PAF1: variants seen among roughly 807,000 people sequenced by gnomAD.
PAF1 encodes RNA polymerase II-associated factor 1 homolog.
In PAF1, 31 loss-of-function variants were observed where a neutral mutation model predicts 68.4. The observed-to-expected ratio is 0.45, with a 90% confidence interval of 0.34 to 0.61. PAF1 has a LOEUF of 0.61. Ranked by LOEUF, PAF1 falls within the 20% of genes least tolerant of loss-of-function variation. The pLI is 0.01. For synonymous variants in PAF1, 256 were observed against 240.5 expected, an observed-to-expected ratio of 1.06 and a Z score of -0.60; for missense variants, 435 against 692.9, an observed-to-expected ratio of 0.63 and a Z score of 4.18.
rs771449728 is a variant in PAF1, at chr19:39,386,134, C to A, written c.1453G>T (p.Gly485Cys). ...QGGSDNDSDS[G>C]SNGGGQRSRS... The stretch of plus-strand genomic sequence containing the variant: ...CTCCGCTGGCCACCCCCATTGCTGC[C>A]GCTGTCTGAATCATTGTCACTGCCA... Residue 485 changes from glycine to cysteine, a missense_variant, in exon 14 of 14, where the codon GGC becomes TGC. Coordinates refer to ENST00000221265, the MANE Select transcript of PAF1 (RefSeq NM_019088.4). The surrounding 1 kb of genome is among the most constrained non-coding windows in gnomAD (Gnocchi z 6.1). The A allele has an allele frequency of 6.2e-7, 1 of 1,614,146 alleles. No individual in the cohort carries two copies. The highest frequency in any genetic ancestry group is 1.1e-5 in the South Asian group (1 of 91,082).
At position 39,386,395 on chromosome 19, in the gene PAF1, GCTC is replaced by G; in HGVS notation, c.1189_1191del (p.Glu397del). The G allele has an allele frequency of 6.2e-7, 1 of 1,613,990 alleles. No homozygotes were observed. The highest frequency in any genetic ancestry group is 8.5e-7 in the Non-Finnish European group (1 of 1,179,948). On this transcript the variant is annotated inframe_deletion, in exon 14 of 14. Transcript: ENST00000221265. This position sits in a 1 kb window ranked among gnomAD's most constrained non-coding sequence, Gnocchi z 6.1. ...TTCTCACTGCTGCTGCCCTTCTCCT[GCTC>G]CTCATCTGGAAGGGAGTGGAGAGAG...
intron 1 of PAF1, 121 bp from the exon 2 acceptor site, chr19:39,390,410 T>C: frequency 1.1e-6 from 1 of 913,166 alleles, no homozygotes; most frequent in Non-Finnish European, 1.8e-6. Flanking sequence ...CTTTGGGTGG[T>C]GGTGTGGGGA....
In PAF1 at chr19:39,388,431, G is replaced by A. The variant is rs117135495; in HGVS notation, c.894C>T (p.Asn298=). 5,606 of 1,614,060 alleles carry A rather than the reference G, an allele frequency of 3.5e-3. 50 individuals are homozygous for A. The highest frequency in any genetic ancestry group is 0.018 in the East Asian group (826 of 44,878). ...AGCCCTTGCTAGCTTTGTTCTTCACGTTCCAGTTGTACTCCCGAGCAATTT... is the reference window on the plus strand; with the variant it reads ...AGCCCTTGCTAGCTTTGTTCTTCACATTCCAGTTGTACTCCCGAGCAATTT... ...DYKIAREYNW[N]VKNKASKGYE... The change falls in exon 11 of 14, where the codon AAC becomes AAT. Residue 298 remains asparagine (N), a synonymous_variant. Coordinates refer to ENST00000221265, the MANE Select transcript of PAF1 (RefSeq NM_019088.4).
intron 11 of PAF1, chr19:39,387,134 G>A (rs750819913): frequency 7.3e-5 from 32 of 437,762 alleles, no homozygotes; most frequent in Admixed American, 5.5e-4. Context: ...TTACACAAAC[G>A]TACATAGTAT....
rs188491796 is a variant in PAF1 at position 39,389,538 on chromosome 19, C to T, written c.301G>A (p.Asp101Asn). ...TCCAAAAGTTTCTCATCAGCTGGAT[C>T]TAGAAGAACTAGAGGAGAGCGGGGG... ...TYRIDPNVLL[D>N]PADEKLLEEE... is the part of the protein sequence containing the mutation. Residue 101 changes from aspartate to asparagine, a missense_variant, in exon 5 of 14, where the codon GAT (aspartate) becomes AAT (asparagine). By Grantham distance (23) the Asp-to-Asn change is conservative. This residue lies in a region of PAF1 where 77 missense variants were observed against 118.2 expected (regional missense o/e 0.65). Transcript: ENST00000221265. This position sits in a 1 kb window ranked among gnomAD's most constrained non-coding sequence, Gnocchi z 5.3. The T allele has an allele frequency of 2.5e-6, 4 of 1,614,196 alleles. No homozygotes were observed. The South Asian group carries it at 4.4e-5, about 18-fold the overall frequency.
chr19:39,385,866 C>G lies in PAF1; in HGVS notation c.*125G>C. The stretch of plus-strand genomic sequence containing the variant: ...GGGAGGGGAAGTAAAGAGAAGTTGA[C>G]TTTATTAACAGCAAAGGTTTGGGGG... On this transcript the variant is annotated 3_prime_UTR_variant, in exon 14 of 14. Transcript: ENST00000221265. 15 of 1,416,480 alleles carry G rather than the reference C, an allele frequency of 1.1e-5. No homozygotes were observed. Among genetic ancestry groups the G allele is most frequent in the Non-Finnish European group, 1.4e-5 (15 of 1,059,412 alleles). 87.7% of individuals were successfully genotyped at this position (1,416,480 alleles called of 1,614,324 possible). A position where few individuals can be genotyped will look rare whatever the true frequency, so the allele number is the denominator to read the frequency against.
chr19:39,388,240 A>C (rs2078296173), intron 11 of PAF1, 99 bp downstream of exon 11: 2 of 1,213,854 alleles, frequency 1.6e-6, no homozygotes, highest in African/African-American at 3.0e-5. Flanking sequence ...TGCATATGAC[A>C]AATTCTTAGG....
At position 39,386,655 on chromosome 19, in the gene PAF1, T is replaced by A; in HGVS notation, c.1092+39A>T. On this transcript the variant is annotated intron_variant, in intron 12 of 13. Transcript: ENST00000221265. The surrounding 1 kb of genome is among the most constrained non-coding windows in gnomAD (Gnocchi z 6.1). ...CCCTCCTCACCTACAACCACCACCC[T>A]CCCTGCCATGGGTGCCCTGAGCCAG... 1 of 1,591,712 alleles carries A rather than the reference T, an allele frequency of 6.3e-7. No individual in the cohort carries two copies. Among genetic ancestry groups the A allele is most frequent in the Non-Finnish European group, 8.6e-7 (1 of 1,159,502 alleles).
chr19:39,391,098 C>G lies in PAF1; in HGVS notation c.-234G>C. 1 of 634,570 alleles carries G rather than the reference C, an allele frequency of 1.6e-6. No individual in the cohort carries two copies. Among genetic ancestry groups the G allele is most frequent in the Non-Finnish European group, 2.7e-6 (1 of 369,864 alleles). The allele number at this position is 634,570 out of a possible 1,614,324, so 39.3% of individuals were successfully genotyped here. A position where few individuals can be genotyped will look rare whatever the true frequency, so the allele number is the denominator to read the frequency against. ...AAGCTCCGGTTCCACCAACTGCCGCCAAGACGCTGAGGACCCAACGGGTCT... is the reference window on the plus strand; with the variant it reads ...AAGCTCCGGTTCCACCAACTGCCGCGAAGACGCTGAGGACCCAACGGGTCT... On this transcript the variant is annotated 5_prime_UTR_variant, in exon 1 of 14. Coordinates refer to ENST00000221265, the MANE Select transcript of PAF1 (RefSeq NM_019088.4).
rs2078253152 is a variant in PAF1, at chr19:39,386,508, G to C, written c.1157C>G (p.Thr386Arg). 6.2e-7 allele frequency: 1 copy of C among 1,614,088 alleles called. No homozygotes were observed. ...PEEEEEEEME[T>R]EEKEAGGSDE... ...TGAGCCCCCAGCTTCTTTCTCTTCT[G>C]TCTCCATCTCCTCTTCCTCTTCCTC... The change falls in exon 13 of 14, where the codon ACA becomes AGA. Residue 386 changes from threonine (T) to arginine (R), a missense_variant. Thr to Arg is a moderately conservative substitution (Grantham distance 71). Transcript: ENST00000221265. This position sits in a 1 kb window ranked among gnomAD's most constrained non-coding sequence, Gnocchi z 6.1.
rs2078249134 is a variant in PAF1 at position 39,386,367 on chromosome 19, TCCTTCTCACTGCTGCTGC to T, written c.1202_1219del (p.Gly401_Lys406del). On this transcript the variant is annotated inframe_deletion, in exon 14 of 14. Coordinates refer to ENST00000221265, the MANE Select transcript of PAF1 (RefSeq NM_019088.4). This position sits in a 1 kb window ranked among gnomAD's most constrained non-coding sequence, Gnocchi z 6.1. Reference sequence around the variant, plus strand: ...GCCCGAGTGCTCATCTTCACTGCCCTCCTTCTCACTGCTGCTGCCCTTCTCCTGCTCCTCATCTGGAAG... The same window carrying T: ...GCCCGAGTGCTCATCTTCACTGCCCTCCTTCTCCTGCTCCTCATCTGGAAG... 1 of 1,614,038 alleles carries T rather than the reference TCCTTCTCACTGCTGCTGC, an allele frequency of 6.2e-7. No homozygotes were observed. Among genetic ancestry groups the T allele is most frequent in the Admixed American group, 1.7e-5 (1 of 59,990 alleles).
chr19:39,385,733 A>G lies in PAF1; in HGVS notation c.*258T>C. On this transcript the variant is annotated 3_prime_UTR_variant, in exon 14 of 14. Transcript: ENST00000221265. ...CTTCGTTGTGCTACATTTTGTGGGAAACCATTGGCCCTGCCTCTGGCCTGT... is the reference window on the plus strand; with the variant it reads ...CTTCGTTGTGCTACATTTTGTGGGAGACCATTGGCCCTGCCTCTGGCCTGT... 1 of 555,604 alleles carries G rather than the reference A, an allele frequency of 1.8e-6. No homozygotes were observed. The highest frequency in any genetic ancestry group is 3.1e-6 in the Non-Finnish European group (1 of 317,858). The allele number at this position is 555,604 out of a possible 1,614,324, so 34.4% of individuals were successfully genotyped here.
Position 39,389,711 on chromosome 19 carries a change from A to T in PAF1, c.221T>A (p.Leu74His). 1 of 1,614,062 alleles carries T rather than the reference A, an allele frequency of 6.2e-7. No homozygotes were observed. Residue 74 changes from leucine to histidine, a missense_variant, in exon 4 of 14, where the codon CTC becomes CAC. Leu to His is a moderately conservative substitution (Grantham distance 99, BLOSUM62 -3). Around this residue, in one of 7 missense-constraint regions of PAF1, gnomAD observed 77 missense variants for 118.2 expected, o/e 0.65. Coordinates refer to ENST00000221265, the MANE Select transcript of PAF1 (RefSeq NM_019088.4). The surrounding 1 kb of genome is among the most constrained non-coding windows in gnomAD (Gnocchi z 5.3). Reference sequence around the variant, plus strand: ...GACCCCCAGGTCTGGCTCAGTCAGGAGGTCATGTTTGTGCTGTTTCTCCAA... The same window carrying T: ...GACCCCCAGGTCTGGCTCAGTCAGGTGGTCATGTTTGTGCTGTTTCTCCAA... ...TSLEKQHKHD[L>H]LTEPDLGVTI...
In PAF1 at chr19:39,386,264, C is replaced by G; in HGVS notation, c.1323G>C (p.Glu441Asp). The change falls in exon 14 of 14, where the codon GAG becomes GAC. Residue 441 changes from glutamate (E) to aspartate (D), a missense_variant. Transcript: ENST00000221265. This position sits in a 1 kb window ranked among gnomAD's most constrained non-coding sequence, Gnocchi z 6.1. ...KSGSGEDESS[E>D]DEARAARDKE... ...TGTCACGGGCAGCCCGGGCCTCATC[C>G]TCGCTGCTCTCGTCCTCACCACTGC... The G allele has an allele frequency of 6.2e-7, 1 of 1,614,186 alleles. No homozygotes were observed.
At chr19:39,387,065 G>A in intron 11 of PAF1, 1 of 550,274 alleles carries the variant, frequency 1.8e-6, no homozygotes, top group Non-Finnish European at 3.3e-6. Flanking sequence ...ATACGGGCAT[G>A]GGCCATTTAA....
At chr19:39,390,003 C>T in intron 3 of PAF1, 66 bp downstream of exon 3, 2 of 1,331,606 alleles carry the variant, frequency 1.5e-6, no homozygotes, top group Non-Finnish European at 2.2e-6. Context: ...CAGCAGCCAA[C>T]GAGACAAGCA....
In PAF1 at chr19:39,388,804, C is replaced by T. The variant is rs767599141; in HGVS notation, c.698G>A (p.Ser233Asn). 3 of 1,614,196 alleles carry T rather than the reference C, an allele frequency of 1.9e-6. No individual in the cohort carries two copies. Among genetic ancestry groups the T allele is most frequent in the Non-Finnish European group, 2.5e-6 (3 of 1,180,026 alleles). The change falls in exon 9 of 14, where the codon AGT (serine) becomes AAT (asparagine). Residue 233 changes from serine (S) to asparagine (N), a missense_variant. This residue lies in a region of PAF1 where 151 missense variants were observed against 306.3 expected (regional missense o/e 0.49). Transcript: ENST00000221265. The part of the protein sequence containing the change: ...FDSDPAPKDT[S>N]GAAALEMMSQ... ...CATCATCTCCAACGCAGCTGCACCA[C>T]TCGTGTCCTTGGGGGCTGGGTCTGA...
chr19:39,388,734 G>A lies in PAF1; in HGVS notation c.740+28C>T, dbSNP rs552196054. 3.7e-6 allele frequency: 6 copies of A among 1,606,832 alleles called. No individual in the cohort carries two copies. The African/African-American group carries it at 6.7e-5, about 18-fold the overall frequency. On this transcript the variant is annotated intron_variant, in intron 9 of 13. Transcript: ENST00000221265. ...TGAGGACAAGAGGCAGCAAGGAGCA[G>A]GCCAAGGTGGACAGCAGGACCACCT...
Position 39,386,874 on chromosome 19 carries a change from G to A in PAF1, c.987-75C>T, listed in dbSNP as rs1440181315. 2.0e-6 allele frequency: 2 copies of A among 990,796 alleles called. No homozygotes were observed. Among genetic ancestry groups the A allele is most frequent in the South Asian group, 1.3e-5 (1 of 77,972 alleles). The allele number at this position is 990,796 out of a possible 1,614,324, so 61.4% of individuals were successfully genotyped here. A position where few individuals can be genotyped will look rare whatever the true frequency, so the allele number is the denominator to read the frequency against. The stretch of plus-strand genomic sequence containing the variant: ...ACACCTCCCACTTCCCCGCCCCCCA[G>A]TGAGGGGTCTGGTCTGACTTGGTTC... On this transcript the variant is annotated intron_variant, in intron 11 of 13. Transcript: ENST00000221265. This position sits in a 1 kb window ranked among gnomAD's most constrained non-coding sequence, Gnocchi z 6.1.
Sources: gnomAD v4.1 joint callset for allele counts on GRCh38, gnomAD v4.1.1 for gene constraint, gnomAD v4.1.1 regional missense constraint, Gnocchi (gnomAD v3.1) non-coding constraint, MANE v1.5 for transcripts, NCBI Gene and HGNC (gene_info 2026-07-23, HGNC 2026-07-21) for gene names.